KCTD16: variants seen among roughly 807,000 people sequenced by gnomAD.
KCTD16 encodes potassium channel tetramerization domain containing 16.
A neutral mutation model predicts 33.2 loss-of-function variants in KCTD16; 13 were observed. The observed-to-expected ratio is 0.39, with a 90% CI of 0.25 to 0.62. The LOEUF is 0.62. Among genes scored for constraint, KCTD16 ranks in the 20% least tolerant of loss-of-function variants. The pLI is 0.50. For missense variants in KCTD16, 441 were observed against 525.1 expected, an observed-to-expected ratio of 0.84 and a Z score of 1.57; for synonymous variants, 197 against 195.3, an observed-to-expected ratio of 1.01 and a Z score of -0.07.
intron 3 of KCTD16, among the ~76,000 whole-genome samples, chr5:144,268,776 C>T (rs1755217082): frequency 6.6e-6 from 1 of 152,000 alleles, no homozygotes; most frequent in Non-Finnish European, 1.5e-5. Flanking sequence ...AATGGCAGTT[C>T]TATTAGACAA....
chr5:144,356,271 A>G (rs931575265), intron 3 of KCTD16, among the ~76,000 whole-genome samples: 1 of 152,096 alleles, frequency 6.6e-6, no homozygotes, highest in Non-Finnish European at 1.5e-5. Flanking sequence ...TGAATATACA[A>G]CTCAGGAAAT....
intron 3 of KCTD16, among the ~76,000 whole-genome samples, chr5:144,226,740 T>C (rs532565972): frequency 3.5e-4 from 54 of 152,114 alleles, no homozygotes; most frequent in African/African-American, 1.3e-3. Flanking sequence ...ACCAAGCTAA[T>C]TTTTGTATTT....
At chr5:144,183,792 T>G (rs1752672405) in intron 2 of KCTD16, among the ~76,000 whole-genome samples, 2 of 152,238 alleles carry the variant, frequency 1.3e-5, no homozygotes. Context: ...TGCTATATGT[T>G]ATAAATAAAA....
chr5:144,309,479 G>A (rs1751702008), intron 3 of KCTD16, among the ~76,000 whole-genome samples: 3 of 151,986 alleles, frequency 2.0e-5, no homozygotes, highest in Admixed American at 2.0e-4. Context: ...TTTGAATGAA[G>A]TCTTCATTGG....
intron 3 of KCTD16, among the ~76,000 whole-genome samples, chr5:144,226,279 G>C (rs181427446): frequency 1.6e-4 from 25 of 152,142 alleles, no homozygotes; most frequent in Middle Eastern, 3.2e-3. Flanking sequence ...CTGAGACCTA[G>C]GAAGATTCTT....
rs778967528 is a variant in KCTD16, at chr5:144,473,772, C to T, written c.945C>T (p.Cys315=). 2.3e-5 allele frequency: 37 copies of T among 1,613,960 alleles called. No homozygotes were observed. The highest frequency in any genetic ancestry group is 2.0e-4 in the African/African-American group (15 of 74,898). Reference sequence around the variant, plus strand: ...GCAATGACCTCTCCACATCTAGCTGCGACAGCCAGTCTGAGGCCAGCTCTC... The same window carrying T: ...GCAATGACCTCTCCACATCTAGCTGTGACAGCCAGTCTGAGGCCAGCTCTC... ...TSCNDLSTSS[C]DSQSEASSPQ... Residue 315 remains cysteine, a synonymous_variant, in exon 4 of 4, where the codon TGC becomes TGT. Transcript: ENST00000512467.
At chr5:144,301,670 C>T (rs768129693) in intron 3 of KCTD16, among the ~76,000 whole-genome samples, 13 of 152,140 alleles carry the variant, frequency 8.5e-5, no homozygotes, top group Non-Finnish European at 1.2e-4. Context: ...TCTTTGGTAA[C>T]GCTCTGTCAT....
chr5:144,259,620 A>G (rs1754951329), intron 3 of KCTD16, among the ~76,000 whole-genome samples: 1 of 152,230 alleles, frequency 6.6e-6, no homozygotes, highest in Non-Finnish European at 1.5e-5. Flanking sequence ...CTTTCTTTGC[A>G]GAGAAAGATA....
chr5:144,369,681 G>T (rs1216388942), intron 3 of KCTD16, among the ~76,000 whole-genome samples: 1 of 152,144 alleles, frequency 6.6e-6, no homozygotes, highest in Non-Finnish European at 1.5e-5. Context: ...ATAGCAAGTA[G>T]TTTAAAAGAT....
chr5:144,291,298 C>G (rs987338871), intron 3 of KCTD16, among the ~76,000 whole-genome samples: 1 of 152,166 alleles, frequency 6.6e-6, no homozygotes, highest in Non-Finnish European at 1.5e-5. Flanking sequence ...CTTACCATGC[C>G]ATTATCAGTT....
chr5:144,449,339 C>A (rs1753890107), intron 3 of KCTD16, among the ~76,000 whole-genome samples: 1 of 151,856 alleles, frequency 6.6e-6, no homozygotes, highest in Non-Finnish European at 1.5e-5. Context: ...AAGCTGTCTA[C>A]AGATTCAATA....
chr5:144,480,586 T>C lies in KCTD16; in HGVS notation c.*6472T>C, dbSNP rs1429732103. The C allele has an allele frequency of 1.3e-5, 2 of 151,948 alleles. No individual in the cohort carries two copies. The highest frequency in any genetic ancestry group is 2.9e-5 in the Non-Finnish European group (2 of 67,918). 9.4% of individuals were successfully genotyped at this position (151,948 alleles called of 1,614,324 possible). On this transcript the variant is annotated 3_prime_UTR_variant, in exon 4 of 4. Transcript: ENST00000512467. ...AACAATTTCAGGAAACTCTCCTTGA[T>C]TCATGTGGGTTATGTGCATTTAAGG...
chr5:144,481,134 G>T lies in KCTD16; in HGVS notation c.*7020G>T, dbSNP rs1200661528. On this transcript the variant is annotated 3_prime_UTR_variant, in exon 4 of 4. Coordinates refer to ENST00000512467, the MANE Select transcript of KCTD16 (RefSeq NM_020768.4). The stretch of plus-strand genomic sequence containing the variant: ...TCTGCCTCAGAAAAATTATACTTCA[G>T]TGATGTTGTCAATCTTTCAACAGCT... The T allele has an allele frequency of 6.6e-6, 1 of 151,924 alleles. No individual in the cohort carries two copies. The highest frequency in any genetic ancestry group is 1.5e-5 in the Non-Finnish European group (1 of 67,918). 9.4% of individuals were successfully genotyped at this position (151,924 alleles called of 1,614,324 possible). A position where few individuals can be genotyped will look rare whatever the true frequency, so the allele number is the denominator to read the frequency against.
chr5:144,325,705 G>A (rs1033563664), intron 3 of KCTD16, among the ~76,000 whole-genome samples: 1 of 152,080 alleles, frequency 6.6e-6, no homozygotes, highest in Non-Finnish European at 1.5e-5. Context: ...TCCTGAAGAG[G>A]CACCTTGACC....
At chr5:144,389,359 C>T (rs568586307) in intron 3 of KCTD16, among the ~76,000 whole-genome samples, 2 of 152,178 alleles carry the variant, frequency 1.3e-5, no homozygotes, top group East Asian at 1.9e-4. Flanking sequence ...TGAGCCCCAC[C>T]TCCTGTCAGA....
chr5:144,282,100 AC>A (rs1166485864), intron 3 of KCTD16, among the ~76,000 whole-genome samples: 1 of 152,196 alleles, frequency 6.6e-6, no homozygotes, highest in Non-Finnish European at 1.5e-5. Context: ...GTGGCTGGTC[AC>A]CAGAAAGACC....
chr5:144,172,246 T>C (rs762000135), intron 1 of KCTD16, among the ~76,000 whole-genome samples: 1 of 152,158 alleles, frequency 6.6e-6, no homozygotes, highest in Non-Finnish European at 1.5e-5. Flanking sequence ...CCCTTTGAGG[T>C]TTTTACCCAT....
At chr5:144,254,051 T>C (rs1479273256) in intron 3 of KCTD16, among the ~76,000 whole-genome samples, 2 of 152,204 alleles carry the variant, frequency 1.3e-5, no homozygotes, top group African/African-American at 4.8e-5. Context: ...AACAATTTGT[T>C]GTCTCCTGAC....
At position 144,479,240 on chromosome 5, in the gene KCTD16, C is replaced by T. The variant is rs954883800; in HGVS notation, c.*5126C>T. 7 of 151,602 alleles carry T rather than the reference C, an allele frequency of 4.6e-5. No individual in the cohort carries two copies. The highest frequency in any genetic ancestry group is 1.7e-4 in the African/African-American group (7 of 41,288). The allele number at this position is 151,602 out of a possible 1,614,324, so 9.4% of individuals were successfully genotyped here. ...TATATTTAACCAATCAAATCCTGCGCCATTGAACTGCTAAATTTGTCCAAT... is the reference window on the plus strand; with the variant it reads ...TATATTTAACCAATCAAATCCTGCGTCATTGAACTGCTAAATTTGTCCAAT... On this transcript the variant is annotated 3_prime_UTR_variant, in exon 4 of 4. Coordinates refer to ENST00000512467, the MANE Select transcript of KCTD16 (RefSeq NM_020768.4).
Sources: gnomAD v4.1 joint callset for allele counts (sites outside exome capture counted in the v4.1 genomes callset) on GRCh38, gnomAD v4.1.1 for gene constraint, MANE v1.5 for transcripts, NCBI Gene and HGNC (gene_info 2026-07-23, HGNC 2026-07-21) for gene names.